TEKT5: variants seen among roughly 807,000 people sequenced by gnomAD.
TEKT5 encodes the protein tektin 5, also known as tektin-5.
A neutral mutation model predicts 48.7 loss-of-function variants in TEKT5; 52 were observed. The ratio of observed to expected loss-of-function variants is 1.07; its 90% CI spans 0.86 to 1.35. The LOEUF (loss-of-function observed/expected upper bound fraction) is 1.35, where lower values mean the gene tolerates loss of function less well. TEKT5 is among the 40% of genes most tolerant of loss of function. The pLI is 0.00. For missense variants in TEKT5, 831 were observed against 641.6 expected (o/e 1.30, Z -3.19); for synonymous variants, 318 against 267.6 (o/e 1.19, Z -1.84).
chr16:10,630,080 C>A (rs997628927), intron 6 of TEKT5, among the ~76,000 whole-genome samples: 1 of 152,010 alleles, frequency 6.6e-6, no homozygotes, highest in Non-Finnish European at 1.5e-5. Context: ...GGTCTACAGG[C>A]GTGCAAAACT....
chr16:10,676,680 G>A (rs1487445484), intron 4 of TEKT5, among the ~76,000 whole-genome samples: 6 of 152,140 alleles, frequency 3.9e-5, no homozygotes, highest in Middle Eastern at 3.2e-3. Flanking sequence ...CTAACTCTGC[G>A]ATGGGAATGT....
chr16:10,636,621 G>A (rs914518127), intron 5 of TEKT5, among the ~76,000 whole-genome samples: 1 of 151,700 alleles, frequency 6.6e-6, no homozygotes, highest in African/African-American at 2.4e-5. Flanking sequence ...CTGTTAATCT[G>A]AAATAATCTC....
At chr16:10,661,871 G>A (rs781397801) in intron 5 of TEKT5, among the ~76,000 whole-genome samples, 3 of 152,158 alleles carry the variant, frequency 2.0e-5, no homozygotes, top group Admixed American at 6.6e-5. Flanking sequence ...ATCTATCCTA[G>A]AAGGTGACTT....
intron 5 of TEKT5, among the ~76,000 whole-genome samples, chr16:10,675,352 G>A (rs1860957594): frequency 6.6e-6 from 1 of 152,116 alleles, no homozygotes; most frequent in African/African-American, 2.4e-5. Context: ...CATTGAGCAG[G>A]GACTATAAAT....
At chr16:10,631,443 G>A (rs1897840470) in intron 6 of TEKT5, among the ~76,000 whole-genome samples, 1 of 151,940 alleles carries the variant, frequency 6.6e-6, no homozygotes, top group African/African-American at 2.4e-5. Context: ...AGATTGGAAG[G>A]GGGCAAGAGT....
rs377611154 is a variant in TEKT5, at chr16:10,639,491, C to G, written c.1087-3573G>C. Among the ~76,000 whole-genome samples, 4 of 152,264 alleles carry G rather than the reference C, an allele frequency of 2.6e-5. No individual in the cohort carries two copies. The East Asian group carries it at 5.8e-4, about 22-fold the overall frequency. On this transcript the variant is annotated intron_variant, in intron 5 of 6. Transcript: ENST00000283025. ...AGACCTATACCTATAAGACCTTGGG[C>G]ATCCATGTCCTTAAATGGAGGTGAT...
chr16:10,690,679 C>T (rs1898956646), intron 1 of TEKT5: 2 of 985,328 alleles, frequency 2.0e-6, no homozygotes, highest in Admixed American at 1.2e-4. Context: ...AACCCTGCCA[C>T]CTAGCCCTGG....
At chr16:10,648,578 T>G (rs983562440) in intron 5 of TEKT5, among the ~76,000 whole-genome samples, 3 of 152,186 alleles carry the variant, frequency 2.0e-5, no homozygotes, top group African/African-American at 7.2e-5. Flanking sequence ...GTGATCCGCC[T>G]ATCTCGGCCT....
intron 5 of TEKT5, among the ~76,000 whole-genome samples, chr16:10,655,345 A>G (rs993540976): frequency 4.6e-5 from 7 of 152,232 alleles, no homozygotes; most frequent in Non-Finnish European, 1.0e-4. Context: ...TCCTGGTTCC[A>G]ATCCCAGTTC....
At chr16:10,656,512 C>T (rs957561381) in intron 5 of TEKT5, among the ~76,000 whole-genome samples, 10 of 151,838 alleles carry the variant, frequency 6.6e-5, no homozygotes, top group Non-Finnish European at 1.5e-4. Flanking sequence ...CTTGGCCTCC[C>T]AAAGTGCTGA....
chr16:10,646,005 C>A (rs1037180998), intron 5 of TEKT5, among the ~76,000 whole-genome samples: 2 of 151,762 alleles, frequency 1.3e-5, no homozygotes, highest in African/African-American at 4.8e-5. Flanking sequence ...ATATAGTGCA[C>A]ATCTGTAATC....
At chr16:10,636,050 G>A in intron 5 of TEKT5, 132 bp from the exon 6 acceptor site, 2 of 1,377,482 alleles carry the variant, frequency 1.5e-6, no homozygotes, top group South Asian at 1.4e-5. Flanking sequence ...CCGGCCTTGA[G>A]CACCTTTAGG....
At chr16:10,631,550 G>A (rs1897841808) in intron 6 of TEKT5, among the ~76,000 whole-genome samples, 1 of 152,136 alleles carries the variant, frequency 6.6e-6, no homozygotes, top group Non-Finnish European at 1.5e-5. Flanking sequence ...AAGCCCTGGT[G>A]CGTGTAATGT....
chr16:10,643,199 A>G (rs1261475029), intron 5 of TEKT5, among the ~76,000 whole-genome samples: 2 of 152,008 alleles, frequency 1.3e-5, no homozygotes, highest in Admixed American at 1.3e-4. Context: ...TGGGCAACAC[A>G]GTGAGACCCC....
chr16:10,688,711 G>T (rs1482023459), intron 3 of TEKT5, among the ~76,000 whole-genome samples: 1 of 152,206 alleles, frequency 6.6e-6, no homozygotes, highest in Non-Finnish European at 1.5e-5. Context: ...TATGTGAGGG[G>T]CCCCCAGGCT....
intron 5 of TEKT5, among the ~76,000 whole-genome samples, chr16:10,645,181 C>T (rs1167887898): frequency 2.0e-5 from 3 of 152,118 alleles, no homozygotes; most frequent in Non-Finnish European, 4.4e-5. Flanking sequence ...AGGCAAGCCC[C>T]CCCAGTTATT....
chr16:10,633,072 C>T (rs1199408201), intron 6 of TEKT5, among the ~76,000 whole-genome samples: 1 of 152,204 alleles, frequency 6.6e-6, no homozygotes, highest in East Asian at 1.9e-4. Context: ...GTAGAAGTCC[C>T]CTGGCGGGGC....
chr16:10,662,343 T>TG (rs1728925723), intron 5 of TEKT5, among the ~76,000 whole-genome samples: 1 of 152,174 alleles, frequency 6.6e-6, no homozygotes, highest in African/African-American at 2.4e-5. Flanking sequence ...TGGGTGGAGG[T>TG]GGGGGAAGTG....
intron 6 of TEKT5, among the ~76,000 whole-genome samples, chr16:10,631,405 G>A (rs1386210377): frequency 3.3e-5 from 5 of 151,610 alleles, no homozygotes; most frequent in Non-Finnish European, 1.5e-5. Flanking sequence ...CGAGTTTCGG[G>A]ATAACCTCCA....
Sources: allele counts gnomAD v4.1 joint callset (sites outside exome capture counted in the v4.1 genomes callset), GRCh38; gene constraint gnomAD v4.1.1; transcripts MANE v1.5; gene names NCBI Gene and HGNC (gene_info 2026-07-23, HGNC 2026-07-21).